Variants in STK32A observed in about 807,000 individuals in gnomAD.
STK32A encodes serine/threonine-protein kinase 32A.
A neutral mutation model predicts 53.2 loss-of-function variants in STK32A; 41 were observed. The observed-to-expected ratio is 0.77, with a 90% confidence interval of 0.60 to 1.00. The LOEUF is 1.00. Ranked by LOEUF, STK32A falls within the 50% of genes least tolerant of loss-of-function variation. The pLI is 0.00. For synonymous variants in STK32A, 166 were observed against 162.8 expected (o/e 1.02, Z -0.15); for missense variants, 458 against 485.8 (o/e 0.94, Z 0.54).
At chr5:147,319,523 T>G (rs898379365) in intron 4 of STK32A, among the ~76,000 whole-genome samples, 1 of 152,146 alleles carries the variant, frequency 6.6e-6, no homozygotes, top group Non-Finnish European at 1.5e-5. Context: ...GTGAATGAAT[T>G]AGGTGCACAA....
At chr5:147,319,535 A>G (rs746147468) in intron 4 of STK32A, among the ~76,000 whole-genome samples, 1 of 152,124 alleles carries the variant, frequency 6.6e-6, no homozygotes, top group Non-Finnish European at 1.5e-5. Context: ...GGTGCACAAT[A>G]CTAGTTTTTA....
chr5:147,377,113 C>T (rs1056523171), intron 11 of STK32A, among the ~76,000 whole-genome samples: 1 of 152,118 alleles, frequency 6.6e-6, no homozygotes, highest in Non-Finnish European at 1.5e-5. Flanking sequence ...CTTCACCTAT[C>T]CCATAAGTTT....
At chr5:147,342,833 T>C in intron 5 of STK32A, 173 bp from the exon 6 acceptor site, 1 of 582,894 alleles carries the variant, frequency 1.7e-6, no homozygotes, top group East Asian at 2.8e-5. Context: ...GATTTAAAAA[T>C]TGGGGATTTT....
intron 7 of STK32A, among the ~76,000 whole-genome samples, chr5:147,359,624 A>G (rs17106542): frequency 0.045 from 6,785 of 152,224 alleles, 498 homozygotes; most frequent in African/African-American, 0.16. Flanking sequence ...CCTGGGGACT[A>G]TCTGATATGA....
At chr5:147,379,430 A>G (rs1757367659) in intron 11 of STK32A, among the ~76,000 whole-genome samples, 3 of 151,952 alleles carry the variant, frequency 2.0e-5, no homozygotes, top group Non-Finnish European at 4.4e-5. Flanking sequence ...TCATTTATAG[A>G]TGGAGTTGGT....
intron 2 of STK32A, among the ~76,000 whole-genome samples, chr5:147,245,826 T>C (rs1279496993): frequency 6.6e-6 from 1 of 152,234 alleles, no homozygotes; most frequent in Non-Finnish European, 1.5e-5. Context: ...CTACTTTTAT[T>C]TGGCAACACC....
intron 5 of STK32A, among the ~76,000 whole-genome samples, chr5:147,328,139 G>C (rs948295263): frequency 1.3e-5 from 2 of 152,172 alleles, no homozygotes; most frequent in African/African-American, 4.8e-5. Context: ...GTGTAAATGG[G>C]ACTTTTAACA....
chr5:147,235,665 A>G (rs1354433738), intron 1 of STK32A, among the ~76,000 whole-genome samples: 4 of 152,234 alleles, frequency 2.6e-5, no homozygotes, highest in African/African-American at 9.6e-5. Flanking sequence ...GATGGCAGAT[A>G]GACACAGCAA....
chr5:147,309,303 T>C (rs1449951921), intron 4 of STK32A, among the ~76,000 whole-genome samples: 2 of 152,188 alleles, frequency 1.3e-5, no homozygotes, highest in Non-Finnish European at 2.9e-5. Flanking sequence ...GTGTTTTCCC[T>C]GTGGTATATG....
In STK32A at chr5:147,370,682, C is replaced by T. The variant is rs1338135539; in HGVS notation, c.689C>T (p.Ser230Phe). 4 of 1,611,958 alleles carry T rather than the reference C, an allele frequency of 2.5e-6. No homozygotes were observed. The African/African-American group carries it at 5.3e-5, about 22-fold the overall frequency. The change falls in exon 9 of 13, where the codon TCC (serine) becomes TTC (phenylalanine). Residue 230 changes from serine to phenylalanine, a missense_variant. Ser to Phe is a radical substitution (Grantham distance 155). Coordinates refer to ENST00000397936, the MANE Select transcript of STK32A (RefSeq NM_001112724.2). ...CCGTATCATATTCGCTCCAGTACTT[C>T]CAGCAAGGAAATTGTACACACGTTT... Reference protein sequence around the residue: ...RRPYHIRSSTSSKEIVHTFET... With the variant: ...RRPYHIRSSTFSKEIVHTFET...
intron 5 of STK32A, among the ~76,000 whole-genome samples, chr5:147,337,099 A>G (rs1755170630): frequency 6.6e-6 from 1 of 152,212 alleles, no homozygotes; most frequent in South Asian, 2.1e-4. Context: ...AAGTCATTCA[A>G]GTGAGAAGAG....
chr5:147,278,996 G>C (rs1751905194), intron 3 of STK32A, among the ~76,000 whole-genome samples: 1 of 152,116 alleles, frequency 6.6e-6, no homozygotes, highest in African/African-American at 2.4e-5. Context: ...CCAAAATGCT[G>C]TCTTAAAAGC....
At chr5:147,286,285 A>AG (rs1263286362) in intron 4 of STK32A, among the ~76,000 whole-genome samples, 1 of 151,412 alleles carries the variant, frequency 6.6e-6, no homozygotes, top group Non-Finnish European at 1.5e-5. Flanking sequence ...GAAGAGTGGG[A>AG]GGGGGGCGAG....
chr5:147,254,219 G>A (rs1003207298), intron 2 of STK32A, among the ~76,000 whole-genome samples: 1 of 152,170 alleles, frequency 6.6e-6, no homozygotes, highest in Non-Finnish European at 1.5e-5. Context: ...TGACATACTA[G>A]GGGTTAGGAC....
At chr5:147,279,128 C>T in intron 3 of STK32A, 119 bp from the exon 4 acceptor site, 1 of 867,464 alleles carries the variant, frequency 1.2e-6, no homozygotes, top group East Asian at 2.8e-5. Context: ...CTTTTAACAT[C>T]ATATAATTTG....
Position 147,355,792 on chromosome 5 carries a change from G to GTGTGTATA in STK32A, c.562+4639_562+4640insGTGTATAT, listed in dbSNP as rs984298293. Among the ~76,000 whole-genome samples, 29 of 147,848 alleles carry GTGTGTATA rather than the reference G, an allele frequency of 2.0e-4. No homozygotes were observed. The East Asian group carries it at 4.7e-3, about 24-fold the overall frequency. ...TATGTATGTGTGTGAGTGTGTGTGT[G>GTGTGTATA]TATATATATATATATATATAAATAA... On this transcript the variant is annotated intron_variant, in intron 7 of 12. Coordinates refer to ENST00000397936, the MANE Select transcript of STK32A (RefSeq NM_001112724.2).
intron 2 of STK32A, among the ~76,000 whole-genome samples, chr5:147,252,783 TATTTCTTGTTTAA>T (rs1183851570): frequency 6.6e-6 from 1 of 152,236 alleles, no homozygotes; most frequent in Non-Finnish European, 1.5e-5. Flanking sequence ...TTTTTCACTA[TATTTCTTGTTTAA>T]ATTTACTTAA....
In STK32A at chr5:147,376,109, C is replaced by G. The variant is rs149781725; in HGVS notation, c.1032+891C>G. 8.3e-3 allele frequency among the ~76,000 whole-genome samples: 1,258 copies of G among 151,934 alleles called. 13 individuals are homozygous for G. Among genetic ancestry groups the G allele is most frequent in the African/African-American group, 0.029 (1,207 of 41,412 alleles). On this transcript the variant is annotated intron_variant, in intron 11 of 12. Transcript: ENST00000397936. ...TCCCTTTTCTCAAAGATTGTGTAGT[C>G]TTGTGGTAAAGATGGCTCTGCAAAC...
chr5:147,237,681 T>G (rs943442916), intron 1 of STK32A, among the ~76,000 whole-genome samples: 2 of 152,314 alleles, frequency 1.3e-5, no homozygotes, highest in South Asian at 4.1e-4. Flanking sequence ...AATGACTCTC[T>G]TTGCTCTCTA....
Sources: gnomAD v4.1 joint callset for allele counts (sites outside exome capture counted in the v4.1 genomes callset) on GRCh38, gnomAD v4.1.1 for gene constraint, MANE v1.5 for transcripts, NCBI Gene and HGNC (gene_info 2026-07-23, HGNC 2026-07-21) for gene names.